PTGER3: variants seen among roughly 807,000 people sequenced by gnomAD.
The protein encoded by PTGER3 is prostaglandin E2 receptor EP3 subtype.
PTGER3 carries 22 observed loss-of-function variants against 34.7 expected under a neutral mutation model. The ratio of observed to expected loss-of-function variants is 0.63; its 90% CI spans 0.45 to 0.91. The LOEUF is 0.91. Ranked by LOEUF, PTGER3 falls within the 40% of genes least tolerant of loss-of-function variation. The pLI is 0.00. For missense variants in PTGER3, 468 were observed against 519.4 expected (o/e 0.90, Z 0.96); for synonymous variants, 241 against 230.1 (o/e 1.05, Z -0.43).
At chr1:70,864,190 T>C (rs1006674273) in intron 4 of PTGER3, among the ~76,000 whole-genome samples, 1 of 151,852 alleles carries the variant, frequency 6.6e-6, no homozygotes. Context: ...TACTTCTAGT[T>C]TTTTTTTATA....
At chr1:71,031,728 T>C (rs1659432307) in intron 1 of PTGER3, among the ~76,000 whole-genome samples, 1 of 152,196 alleles carries the variant, frequency 6.6e-6, no homozygotes, top group African/African-American at 2.4e-5. Flanking sequence ...GCCAGATTTC[T>C]CTGGACTCTG....
chr1:70,936,040 A>G (rs1337574638), intron 4 of PTGER3, among the ~76,000 whole-genome samples: 2 of 152,202 alleles, frequency 1.3e-5, no homozygotes, highest in African/African-American at 4.8e-5. Flanking sequence ...AGAAGTATGA[A>G]AAACATCTAG....
chr1:70,925,589 C>CA (rs1271387029), intron 4 of PTGER3, among the ~76,000 whole-genome samples: 1 of 151,860 alleles, frequency 6.6e-6, no homozygotes, highest in African/African-American at 2.4e-5. Context: ...TTTAATTCTG[C>CA]AAAAAAATTA....
intron 4 of PTGER3, chr1:70,869,232 G>T (rs781361509): frequency 2.1e-6 from 1 of 468,016 alleles, no homozygotes; most frequent in South Asian, 1.6e-5. Context: ...AATTTTGCAA[G>T]AACTCACTCA....
At chr1:70,878,414 A>G (rs1427810116) in intron 4 of PTGER3, among the ~76,000 whole-genome samples, 3 of 152,012 alleles carry the variant, frequency 2.0e-5, no homozygotes, top group South Asian at 2.1e-4. Context: ...TTTTCAAAAG[A>G]CCAACTCCTG....
intron 4 of PTGER3, among the ~76,000 whole-genome samples, chr1:70,936,179 G>A (rs773771411): frequency 2.0e-5 from 3 of 152,150 alleles, no homozygotes; most frequent in Non-Finnish European, 4.4e-5. Flanking sequence ...AACATCTGTT[G>A]GGAACTTGCT....
intron 4 of PTGER3, among the ~76,000 whole-genome samples, chr1:70,889,301 G>T (rs1166298090): frequency 6.6e-6 from 1 of 151,498 alleles, no homozygotes; most frequent in Non-Finnish European, 1.5e-5. Flanking sequence ...TGTAGTCCCA[G>T]CTACTCGGGA....
intron 2 of PTGER3, among the ~76,000 whole-genome samples, chr1:70,984,318 T>C (rs1572852847): frequency 1.3e-5 from 2 of 150,456 alleles, no homozygotes; most frequent in Non-Finnish European, 3.0e-5. Context: ...ACCAGAGAGA[T>C]GGAGATTGCA....
At chr1:70,867,014 A>G (rs1302624042) in intron 4 of PTGER3, among the ~76,000 whole-genome samples, 1 of 152,200 alleles carries the variant, frequency 6.6e-6, no homozygotes, top group East Asian at 1.9e-4. Flanking sequence ...GTTTTTCACA[A>G]TTGCCTCAAC....
At chr1:70,958,044 G>A (rs1205073459) in intron 2 of PTGER3, among the ~76,000 whole-genome samples, 1 of 152,052 alleles carries the variant, frequency 6.6e-6, no homozygotes, top group Non-Finnish European at 1.5e-5. Context: ...GTATTCTATT[G>A]TGTGTCTGCA....
At chr1:70,934,384 A>G (rs114233849) in intron 4 of PTGER3, among the ~76,000 whole-genome samples, 148 of 152,324 alleles carry the variant, frequency 9.7e-4, no homozygotes, top group African/African-American at 2.6e-3. Context: ...AGCGTAAATA[A>G]AACACATGTC....
chr1:71,002,465 T>C (rs1403966510), intron 2 of PTGER3, among the ~76,000 whole-genome samples: 1 of 152,136 alleles, frequency 6.6e-6, no homozygotes, highest in Non-Finnish European at 1.5e-5. Context: ...ACACAAAACT[T>C]TAGAGAGCAT....
chr1:70,931,307 A>G (rs1396444465), intron 4 of PTGER3, among the ~76,000 whole-genome samples: 1 of 152,118 alleles, frequency 6.6e-6, no homozygotes, highest in Non-Finnish European at 1.5e-5. Context: ...CTGGCATTGA[A>G]TGTCTGCAGC....
intron 1 of PTGER3, among the ~76,000 whole-genome samples, chr1:71,017,002 C>A (rs538106031): frequency 1.3e-5 from 2 of 151,726 alleles, no homozygotes; most frequent in African/African-American, 2.4e-5. Flanking sequence ...TGAATGCTAC[C>A]CCCCATCATA....
chr1:70,854,428 T>A (rs1645754366), intron 4 of PTGER3, among the ~76,000 whole-genome samples: 1 of 152,120 alleles, frequency 6.6e-6, no homozygotes, highest in African/African-American at 2.4e-5. Flanking sequence ...CCCATTAAGA[T>A]GGTGATATGG....
At chr1:71,005,115 A>G (rs1207284708) in intron 2 of PTGER3, among the ~76,000 whole-genome samples, 3 of 152,244 alleles carry the variant, frequency 2.0e-5, no homozygotes, top group Admixed American at 6.5e-5. Context: ...TCTCATGAGT[A>G]GAAGTCAGGG....
chr1:70,882,224 G>T (rs1402807409), intron 4 of PTGER3, among the ~76,000 whole-genome samples: 1 of 152,158 alleles, frequency 6.6e-6, no homozygotes, highest in Non-Finnish European at 1.5e-5. Flanking sequence ...CATTGGCATG[G>T]GTGTGTGGTG....
chr1:70,906,411 A>C, intron 4 of PTGER3, among the ~76,000 whole-genome samples: 1 of 152,232 alleles, frequency 6.6e-6, no homozygotes, highest in Non-Finnish European at 1.5e-5. Context: ...ATTCTACCAC[A>C]GAATTATTAA....
At chr1:71,039,031 A>G (rs560634677) in intron 1 of PTGER3, among the ~76,000 whole-genome samples, 19 of 152,232 alleles carry the variant, frequency 1.2e-4, no homozygotes, top group Non-Finnish European at 2.8e-4. Flanking sequence ...CTGACTGGAA[A>G]GAGCTCACAT....
Sources: gnomAD v4.1 joint callset for allele counts (sites outside exome capture counted in the v4.1 genomes callset) on GRCh38, gnomAD v4.1.1 for gene constraint, MANE v1.5 for transcripts, NCBI Gene and HGNC (gene_info 2026-07-23, HGNC 2026-07-21) for gene names.